ATP2C1: variants seen among roughly 807,000 people sequenced by gnomAD.
ATP2C1 encodes calcium-transporting ATPase type 2C member 1.
ATP2C1 carries 31 observed loss-of-function variants against 120.5 expected under a neutral mutation model. The ratio of observed to expected loss-of-function variants is 0.26; its 90% CI spans 0.19 to 0.35. The LOEUF (loss-of-function observed/expected upper bound fraction) is 0.35, where lower values mean the gene tolerates loss of function less well. ATP2C1 is among the 10% of genes least tolerant of loss of function. The pLI is 1.00. For missense variants in ATP2C1, 731 were observed against 1,107.5 expected (o/e 0.66, Z 4.83); for synonymous variants, 351 against 358.7 (o/e 0.98, Z 0.24).
intron 2 of ATP2C1, chr3:130,918,746 C>CT: frequency 2.5e-6 from 1 of 395,392 alleles, no homozygotes; most frequent in Non-Finnish European, 4.8e-6. Flanking sequence ...AATCCCAGCA[C>CT]TTTGGGAGGC....
chr3:130,955,660 G>A (rs2060549400), intron 10 of ATP2C1: 1 of 177,990 alleles, frequency 5.6e-6, no homozygotes, highest in Non-Finnish European at 1.2e-5. Flanking sequence ...CATTCCAAGA[G>A]GCGTGGCAGT....
intron 1 of ATP2C1, among the ~76,000 whole-genome samples, chr3:130,880,111 G>T (rs1054457966): frequency 5.9e-5 from 9 of 152,174 alleles, no homozygotes; most frequent in African/African-American, 1.4e-4. Flanking sequence ...TTCATTAAAA[G>T]ATATACTATA....
At chr3:131,009,245 A>G (rs562860872) in intron 26 of ATP2C1, among the ~76,000 whole-genome samples, 2 of 152,194 alleles carry the variant, frequency 1.3e-5, no homozygotes, top group South Asian at 2.1e-4. Context: ...GGGAAAAAAT[A>G]TACTCACTAA....
At chr3:130,977,096 G>A (rs1357336391) in intron 18 of ATP2C1, among the ~76,000 whole-genome samples, 1 of 152,116 alleles carries the variant, frequency 6.6e-6, no homozygotes, top group Non-Finnish European at 1.5e-5. Context: ...GCAAGTGGGA[G>A]TTTCAGAGAC....
At chr3:130,911,381 G>T (rs2058403453) in intron 2 of ATP2C1, among the ~76,000 whole-genome samples, 1 of 149,438 alleles carries the variant, frequency 6.7e-6, no homozygotes, top group African/African-American at 2.5e-5. Context: ...CAATTTTGTT[G>T]ATCCTTTCAA....
Position 130,994,008 on chromosome 3 carries a change from A to G in ATP2C1, c.1967A>G (p.Asp656Gly), listed in dbSNP as rs760328479. 3 of 1,614,190 alleles carry G rather than the reference A, an allele frequency of 1.9e-6. No homozygotes were observed. Among genetic ancestry groups the G allele is most frequent in the Non-Finnish European group, 2.5e-6 (3 of 1,180,022 alleles). Residue 656 changes from aspartate (D) to glycine (G), a missense_variant, in exon 22 of 28, where the codon GAC becomes GGC. Physicochemically the swap from Asp to Gly is moderately conservative, Grantham distance 94. Coordinates refer to ENST00000510168, the MANE Select transcript of ATP2C1 (RefSeq NM_001378687.1). ...GATGCAGTTGCTCTGAAGGCTGCAG[A>G]CATTGGAGTTGCGATGGGCCAGACT... ...VNDAVALKAA[D>G]IGVAMGQTGT...
At chr3:130,852,279 T>C (rs1019615598) in intron 1 of ATP2C1, among the ~76,000 whole-genome samples, 1 of 152,178 alleles carries the variant, frequency 6.6e-6, no homozygotes, top group African/African-American at 2.4e-5. Context: ...TCATTTATTA[T>C]GGAAGGAAGA....
chr3:130,975,877 G>C (rs1037664641), intron 18 of ATP2C1, among the ~76,000 whole-genome samples: 2 of 152,170 alleles, frequency 1.3e-5, no homozygotes, highest in African/African-American at 4.8e-5. Context: ...CCTTTAAGGT[G>C]ATTGCTAACT....
chr3:130,930,160 G>T (rs562586243), intron 2 of ATP2C1: 1 of 457,982 alleles, frequency 2.2e-6, no homozygotes, highest in South Asian at 2.0e-5. Flanking sequence ...GAGAAATAGC[G>T]TGCTTTTCAT....
intron 1 of ATP2C1, among the ~76,000 whole-genome samples, chr3:130,853,851 C>T (rs2067754935): frequency 6.6e-6 from 1 of 152,150 alleles, no homozygotes; most frequent in Non-Finnish European, 1.5e-5. Context: ...AAAGGTGACC[C>T]ACACAACAGG....
At chr3:130,895,595 G>C (rs924789062) in intron 2 of ATP2C1, among the ~76,000 whole-genome samples, 1 of 151,934 alleles carries the variant, frequency 6.6e-6, no homozygotes, top group Non-Finnish European at 1.5e-5. Context: ...CTTTAACCGG[G>C]CTGCAAAATA....
chr3:130,931,464 C>T (rs1383320736), intron 3 of ATP2C1, among the ~76,000 whole-genome samples: 1 of 151,908 alleles, frequency 6.6e-6, no homozygotes, highest in Non-Finnish European at 1.5e-5. Flanking sequence ...AATACCAACC[C>T]CAGGGTTTTG....
At chr3:130,885,900 T>A (rs929517022) in intron 1 of ATP2C1, among the ~76,000 whole-genome samples, 8 of 152,214 alleles carry the variant, frequency 5.3e-5, no homozygotes, top group Non-Finnish European at 1.0e-4. Context: ...GAAGGTTTGT[T>A]ACATAGATAA....
intron 20 of ATP2C1, among the ~76,000 whole-genome samples, chr3:130,989,559 C>T (rs2062207995): frequency 1.1e-5 from 1 of 89,106 alleles, no homozygotes; most frequent in Non-Finnish European, 2.5e-5. Context: ...GAGCGAAACT[C>T]CATCTCAAAA....
intron 20 of ATP2C1, among the ~76,000 whole-genome samples, chr3:130,983,628 T>G (rs980044918): frequency 6.6e-6 from 1 of 152,252 alleles, no homozygotes; most frequent in Non-Finnish European, 1.5e-5. Context: ...ACAGGGTAGT[T>G]TCATTGCCCT....
intron 17 of ATP2C1, among the ~76,000 whole-genome samples, chr3:130,973,276 TG>T (rs2061409371): frequency 6.6e-6 from 1 of 151,740 alleles, no homozygotes; most frequent in African/African-American, 2.4e-5. Context: ...TAAAGCAGAG[TG>T]GGGTGAGGGA....
At chr3:130,925,577 C>T (rs530938662) in intron 2 of ATP2C1, among the ~76,000 whole-genome samples, 1 of 152,166 alleles carries the variant, frequency 6.6e-6, no homozygotes, top group African/African-American at 2.4e-5. Context: ...TTGGCACTTT[C>T]AAGAGCATAT....
intron 26 of ATP2C1, chr3:131,015,294 A>C (rs924261267): frequency 2.0e-5 from 14 of 689,290 alleles, no homozygotes; most frequent in African/African-American, 3.5e-5. Flanking sequence ...CCCTCCCCCC[A>C]CAGAGTTTAC....
chr3:130,943,712 C>T (rs1389281518), intron 8 of ATP2C1, among the ~76,000 whole-genome samples: 2 of 152,118 alleles, frequency 1.3e-5, no homozygotes, highest in Non-Finnish European at 2.9e-5. Context: ...ATTCTCTCTA[C>T]CTTAATTCTG....
Sources: gnomAD v4.1 joint callset for allele counts (sites outside exome capture counted in the v4.1 genomes callset) on GRCh38, gnomAD v4.1.1 for gene constraint, MANE v1.5 for transcripts, NCBI Gene and HGNC (gene_info 2026-07-23, HGNC 2026-07-21) for gene names.